COL14A1: variants seen among roughly 807,000 people sequenced by gnomAD.
COL14A1 encodes collagen type XIV alpha 1 chain.
A neutral mutation model predicts 230.3 loss-of-function variants in COL14A1; 136 were observed. That is an observed-to-expected ratio of 0.59 (90% CI 0.51 to 0.68). The LOEUF is 0.68. Among genes scored for constraint, COL14A1 ranks in the 30% least tolerant of loss-of-function variants. The pLI is 0.00. For missense variants in COL14A1, 1,976 were observed against 2,215.8 expected (o/e 0.89, Z 2.17); for synonymous variants, 792 against 784.1 (o/e 1.01, Z -0.17).
chr8:120,317,548 G>T (rs1469634503), intron 40 of COL14A1, among the ~76,000 whole-genome samples: 4 of 152,194 alleles, frequency 2.6e-5, no homozygotes. Context: ...AAGGGCGTAG[G>T]CTAAGATCCT....
At chr8:120,367,348 C>CT in intron 46 of COL14A1, 100 bp downstream of exon 46, 1 of 910,180 alleles carries the variant, frequency 1.1e-6, no homozygotes, top group Non-Finnish European at 1.7e-6. Context: ...TAGTATGTAA[C>CT]TTAAATGGCT....
intron 21 of COL14A1, 99 bp downstream of exon 21, chr8:120,247,834 A>AT: frequency 3.5e-6 from 5 of 1,425,980 alleles, no homozygotes; most frequent in Admixed American, 2.1e-5. Context: ...GTTTGGTTGT[A>AT]TTTTTTTAAA....
chr8:120,312,507 C>T lies in COL14A1; in HGVS notation c.4456-1425C>T, dbSNP rs544163302. 6.6e-4 allele frequency among the ~76,000 whole-genome samples: 101 copies of T among 152,308 alleles called. 1 individual carries two copies. The South Asian group carries it at 0.02, about 30-fold the overall frequency. On this transcript the variant is annotated intron_variant, in intron 37 of 47. Transcript: ENST00000297848. ...CACAATACCACTCCGTCTTCAGCCTCTTCCTAATTCTCGGGCTTTTTCATT... is the reference window on the plus strand; with the variant it reads ...CACAATACCACTCCGTCTTCAGCCTTTTCCTAATTCTCGGGCTTTTTCATT...
chr8:120,298,597 T>TTTTTTA (rs576663862), intron 35 of COL14A1, among the ~76,000 whole-genome samples: 67 of 57,984 alleles, frequency 1.2e-3, no homozygotes, highest in Non-Finnish European at 1.9e-3. Flanking sequence ...CCCATATATT[T>TTTTTTA]TATATATATA....
Position 120,358,844 on chromosome 8 carries a change from G to A in COL14A1, c.5078-8327G>A, listed in dbSNP as rs1465533979. ...TGAATTTTTTGACATGGCTTTCAAA[G>A]CCATGACTGTAATAAGTTAATTATC... On this transcript the variant is annotated intron_variant, in intron 45 of 47. Coordinates refer to ENST00000297848, the MANE Select transcript of COL14A1 (RefSeq NM_021110.4). Among the ~76,000 whole-genome samples the A allele has an allele frequency of 2.0e-5, 3 of 152,016 alleles. 1 individual carries two copies. Among genetic ancestry groups the A allele is most frequent in the Admixed American group, 1.3e-4 (2 of 15,236 alleles).
chr8:120,170,458 ATAT>A (rs1252209925), intron 5 of COL14A1, among the ~76,000 whole-genome samples: 1 of 152,048 alleles, frequency 6.6e-6, no homozygotes, highest in African/African-American at 2.4e-5. Flanking sequence ...TTAGAAGAAG[ATAT>A]TTATTTATTA....
intron 1 of COL14A1, among the ~76,000 whole-genome samples, chr8:120,135,686 A>G (rs1455693888): frequency 6.6e-6 from 1 of 152,248 alleles, no homozygotes; most frequent in Non-Finnish European, 1.5e-5. Flanking sequence ...CTTTGAATCT[A>G]TAGATTATCT....
chr8:120,146,109 T>C (rs1815082334), intron 1 of COL14A1, among the ~76,000 whole-genome samples: 1 of 152,194 alleles, frequency 6.6e-6, no homozygotes, highest in African/African-American at 2.4e-5. Context: ...CTCTGTGCCT[T>C]ATTGTCCATC....
Position 120,225,149 on chromosome 8 carries a change from C to T in COL14A1, c.1799C>T (p.Thr600Ile). Residue 600 changes from threonine to isoleucine, a missense_variant, in exon 15 of 48, where the codon ACT becomes ATT. This residue lies in a region of COL14A1 where 1,791 missense variants were observed against 2,019.5 expected (regional missense o/e 0.89). Transcript: ENST00000297848. ...LKGLTPLTEY[T>I]IAIFSIYDEG... The stretch of plus-strand genomic sequence containing the variant: ...GGCTTGACACCTCTCACAGAGTATA[C>T]TATTGCTATTTTCTCCATCTATGAT... 6.2e-7 allele frequency: 1 copy of T among 1,612,844 alleles called. No individual in the cohort carries two copies. The highest frequency in any genetic ancestry group is 1.1e-5 in the South Asian group (1 of 91,042).
Position 120,228,710 on chromosome 8 carries a change from T to C in COL14A1, c.2138T>C (p.Leu713Pro), listed in dbSNP as rs1173838092. The C allele has an allele frequency of 1.2e-6, 2 of 1,613,210 alleles. No individual in the cohort carries two copies. Among genetic ancestry groups the C allele is most frequent in the Non-Finnish European group, 8.5e-7 (1 of 1,179,350 alleles). The change falls in exon 18 of 48, where the codon CTT (leucine) becomes CCT (proline). Residue 713 changes from leucine (L) to proline (P), a missense_variant and splice_region_variant. Around this residue, in one of 3 missense-constraint regions of COL14A1, gnomAD observed 1,791 missense variants for 2,019.5 expected, o/e 0.89. Transcript: ENST00000297848. ...SEVVTAVGTT[L>P]DSFWTEPATT... ...TTTTAAAGTAATATATTGCTTTTAG[T>C]TGACAGTTTTTGGACAGAACCAGCT...
chr8:120,199,571 G>T lies in COL14A1; in HGVS notation c.877+5G>T. On this transcript the variant is annotated splice_donor_5th_base_variant and intron_variant, in intron 8 of 47. Coordinates refer to ENST00000297848, the MANE Select transcript of COL14A1 (RefSeq NM_021110.4). ...GTGTAGAACTGTTTGCCATAGGTAT[G>T]TGCTCTTTATAGTCTTGTTTCAACT... 2.5e-6 allele frequency: 4 copies of T among 1,609,510 alleles called. No homozygotes were observed. The highest frequency in any genetic ancestry group is 3.4e-6 in the Non-Finnish European group (4 of 1,178,272).
At position 120,180,844 on chromosome 8, in the gene COL14A1, A is replaced by G. The variant is rs561167818; in HGVS notation, c.436+12597A>G. On this transcript the variant is annotated intron_variant, in intron 5 of 47. Coordinates refer to ENST00000297848, the MANE Select transcript of COL14A1 (RefSeq NM_021110.4). ...TGCTGCAGCCTCCTGAGTAGCTGGGACTACAGGTGGGCCCCAACATGCCCA... is the reference window on the plus strand; with the variant it reads ...TGCTGCAGCCTCCTGAGTAGCTGGGGCTACAGGTGGGCCCCAACATGCCCA... Among the ~76,000 whole-genome samples the G allele has an allele frequency of 2.0e-5, 3 of 151,060 alleles. No individual in the cohort carries two copies. The Admixed American group carries it at 2.0e-4, about 10-fold the overall frequency.
intron 5 of COL14A1, among the ~76,000 whole-genome samples, chr8:120,184,918 A>T (rs1285786024): frequency 6.6e-6 from 1 of 152,104 alleles, no homozygotes; most frequent in Non-Finnish European, 1.5e-5. Context: ...AGTCAGAAAT[A>T]CTCTCATAGA....
Position 120,203,766 on chromosome 8 carries a change from C to T in COL14A1, c.935C>T (p.Thr312Ile). ...LQEIASEPDSTHVYNVAEFDL... is the reference protein window; with the variant it reads ...LQEIASEPDSIHVYNVAEFDL... ...GAGATCGCCTCTGAACCAGACAGCA[C>T]TCATGTGTACAATGTTGCCGAATTC... Residue 312 changes from threonine (T) to isoleucine (I), a missense_variant, in exon 9 of 48, where the codon ACT (threonine) becomes ATT (isoleucine). Around this residue, in one of 3 missense-constraint regions of COL14A1, gnomAD observed 1,791 missense variants for 2,019.5 expected, o/e 0.89. Transcript: ENST00000297848. 2 of 1,613,902 alleles carry T rather than the reference C, an allele frequency of 1.2e-6. No homozygotes were observed. The highest frequency in any genetic ancestry group is 1.7e-6 in the Non-Finnish European group (2 of 1,179,936).
intron 44 of COL14A1, among the ~76,000 whole-genome samples, chr8:120,344,091 A>G (rs962898624): frequency 7.2e-5 from 11 of 152,318 alleles, no homozygotes; most frequent in Non-Finnish European, 1.0e-4. Context: ...GAAGTCATCA[A>G]GGGATTGGTT....
At chr8:120,271,448 G>A (rs1819663441) in intron 26 of COL14A1, among the ~76,000 whole-genome samples, 1 of 151,636 alleles carries the variant, frequency 6.6e-6, no homozygotes, top group South Asian at 2.1e-4. Flanking sequence ...GATTCACAAG[G>A]TAGGGATGTA....
chr8:120,339,082 C>A (rs1822190174), intron 42 of COL14A1, among the ~76,000 whole-genome samples: 1 of 152,200 alleles, frequency 6.6e-6, no homozygotes, highest in South Asian at 2.1e-4. Context: ...CCTCAGCCTC[C>A]CGAGTAGCTG....
At chr8:120,239,825 GTTTTTTGTTTT>G (rs1297722169) in intron 19 of COL14A1, among the ~76,000 whole-genome samples, 15 of 111,556 alleles carry the variant, frequency 1.3e-4, no homozygotes, top group Non-Finnish European at 2.6e-4. Context: ...TTTTGTTTCT[GTTTTTTGTTTT>G]TTTTTTGTTT....
At chr8:120,136,314 G>A (rs1814705716) in intron 1 of COL14A1, among the ~76,000 whole-genome samples, 2 of 151,810 alleles carry the variant, frequency 1.3e-5, no homozygotes, top group Non-Finnish European at 2.9e-5. Context: ...TTAAAATCCT[G>A]AATGTGTATT....
Sources: allele counts gnomAD v4.1 joint callset (sites outside exome capture counted in the v4.1 genomes callset), GRCh38; gene constraint gnomAD v4.1.1; regional missense constraint gnomAD v4.1.1; transcripts MANE v1.5; gene names NCBI Gene and HGNC (gene_info 2026-07-23, HGNC 2026-07-21).